AURKA: variants seen among roughly 807,000 people sequenced by gnomAD.
The protein encoded by AURKA is aurora kinase A.
AURKA carries 12 observed loss-of-function variants against 40.9 expected under a neutral mutation model. That is an observed-to-expected ratio of 0.29 (90% CI 0.19 to 0.48). The LOEUF (loss-of-function observed/expected upper bound fraction) is 0.48. Among genes scored for constraint, AURKA ranks in the 20% least tolerant of loss-of-function variants. AURKA has a pLI of 0.99. For synonymous variants in AURKA, 170 were observed against 164.3 expected (o/e 1.03, Z -0.26); for missense variants, 322 against 462.1 (o/e 0.70, Z 2.78).
chr20:56,370,030 A>T lies in AURKA; in HGVS notation c.*128T>A. 1 of 1,240,760 alleles carries T rather than the reference A, an allele frequency of 8.1e-7. No individual in the cohort carries two copies. The allele number at this position is 1,240,760 out of a possible 1,614,324, so 76.9% of individuals were successfully genotyped here. On this transcript the variant is annotated 3_prime_UTR_variant, in exon 9 of 9. Coordinates refer to ENST00000395915, the MANE Select transcript of AURKA (RefSeq NM_198437.3). ...GAGGTTAAGGCACACCTGCTGAGTA[A>T]AACAAATATTTCTTGTGTAGCGTTC...
At chr20:56,372,037 G>T in intron 7 of AURKA, among the ~76,000 whole-genome samples, 1 of 152,278 alleles carries the variant, frequency 6.6e-6, no homozygotes, top group East Asian at 1.9e-4. Flanking sequence ...CATTTTTATC[G>T]GTTTAGGTTT....
chr20:56,382,965 A>G lies in AURKA; in HGVS notation c.566+20T>C. The G allele has an allele frequency of 6.2e-7, 1 of 1,612,670 alleles. No individual in the cohort carries two copies. The highest frequency in any genetic ancestry group is 8.5e-7 in the Non-Finnish European group (1 of 1,179,790). On this transcript the variant is annotated intron_variant, in intron 5 of 8. Coordinates refer to ENST00000395915, the MANE Select transcript of AURKA (RefSeq NM_198437.3). ...GCAGCATTGGTGAACATTCTTTTGA[A>G]CATGAACCTGAAAACTCACCGAAGG... is the stretch of plus-strand genomic sequence containing the variant.
Position 56,382,928 on chromosome 20 carries a change from A to G in AURKA, c.566+57T>C. ...GGCAGTGGGAGGCTGACATTACAGG[A>G]GGGGGAGGGGTGCAGCATTGGTGAA... On this transcript the variant is annotated intron_variant, in intron 5 of 8. Transcript: ENST00000395915. 3 of 1,585,964 alleles carry G rather than the reference A, an allele frequency of 1.9e-6. No homozygotes were observed. The South Asian group carries it at 3.3e-5, about 18-fold the overall frequency.
In AURKA at chr20:56,369,903, G is replaced by A. The variant is rs752966779; in HGVS notation, c.*255C>T. 7 of 566,136 alleles carry A rather than the reference G, an allele frequency of 1.2e-5. No homozygotes were observed. The highest frequency in any genetic ancestry group is 4.8e-4 in the Middle Eastern group (1 of 2,076). 35.1% of individuals were successfully genotyped at this position (566,136 alleles called of 1,614,324 possible). On this transcript the variant is annotated 3_prime_UTR_variant, in exon 9 of 9. Coordinates refer to ENST00000395915, the MANE Select transcript of AURKA (RefSeq NM_198437.3). The stretch of plus-strand genomic sequence containing the variant: ...ACAGGCTGACGGGGCGGCTGCAGTC[G>A]AACCTTGCCTCCAGATTATGAACCA...
chr20:56,377,013 G>A (rs778693908), intron 6 of AURKA, among the ~76,000 whole-genome samples: 38 of 152,298 alleles, frequency 2.5e-4, no homozygotes, highest in Middle Eastern at 3.4e-3. Flanking sequence ...ACAGGAGGTA[G>A]AAGTTGCAGT....
chr20:56,378,856 C>G (rs1985311911), intron 6 of AURKA, among the ~76,000 whole-genome samples: 3 of 152,094 alleles, frequency 2.0e-5, no homozygotes, highest in African/African-American at 7.2e-5. Flanking sequence ...GTAAACAGAT[C>G]AGTGGTTGCC....
In AURKA at chr20:56,373,286, CT is replaced by C. The variant is rs1984512363; in HGVS notation, c.854+121del. ...AAGCCTAAATTACTCCAAAGTACTT[CT>C]GGGTTAGCCACCTACCCCTCTTACA... is the stretch of plus-strand genomic sequence containing the variant. On this transcript the variant is annotated intron_variant, in intron 7 of 8. Transcript: ENST00000395915. The surrounding 1 kb of genome is among the most constrained non-coding windows in gnomAD (Gnocchi z 5.0). The C allele has an allele frequency of 7.5e-7, 1 of 1,336,954 alleles. No homozygotes were observed. The highest frequency in any genetic ancestry group is 1.4e-5 in the African/African-American group (1 of 69,008). The allele number at this position is 1,336,954 out of a possible 1,614,324, so 82.8% of individuals were successfully genotyped here.
Position 56,370,192 on chromosome 20 carries a change from C to T in AURKA, c.1178G>A (p.Cys393Tyr), listed in dbSNP as rs2146118896. The change falls in exon 9 of 9, where the codon TGC (cysteine) becomes TAC (tyrosine). Residue 393 changes from cysteine (C) to tyrosine (Y), a missense_variant. Physicochemically the swap from Cys to Tyr is radical, Grantham distance 194. Transcript: ENST00000395915. ...TTTGCTAGCTGATTCTTTGTTTTGG[C>T]AATTTGATGGTTTTGATGAATTTGC... ...ITANSSKPSN[C>Y]QNKESASKQS 1.2e-6 allele frequency: 2 copies of T among 1,613,220 alleles called. No homozygotes were observed. Among genetic ancestry groups the T allele is most frequent in the Non-Finnish European group, 1.7e-6 (2 of 1,180,010 alleles).
In AURKA at chr20:56,384,445, ATC is replaced by A. The variant is rs1365080458; in HGVS notation, c.320-123_320-122del. 1.7e-5 allele frequency: 13 copies of A among 772,390 alleles called. No individual in the cohort carries two copies. In the East Asian group the frequency reaches 2.3e-4, roughly 14 times the overall value. The allele number at this position is 772,390 out of a possible 1,614,324, so 47.8% of individuals were successfully genotyped here. On this transcript the variant is annotated intron_variant, in intron 3 of 8. Transcript: ENST00000395915. ...ATTAATGGTATGTCAAGAATGATAA[ATC>A]TGTTTTTTTTTTTTAAAGTTTTCCT...
In AURKA at chr20:56,384,291, T is replaced by C. The variant is rs1477781531; in HGVS notation, c.353A>G (p.Gln118Arg). The C allele has an allele frequency of 1.9e-5, 31 of 1,601,522 alleles. No homozygotes were observed. Among genetic ancestry groups the C allele is most frequent in the Non-Finnish European group, 2.7e-5 (31 of 1,169,774 alleles). Residue 118 changes from glutamine to arginine, a missense_variant, in exon 4 of 9, where the codon CAG becomes CGG. Gln to Arg is a conservative substitution (Grantham distance 43). Coordinates refer to ENST00000395915, the MANE Select transcript of AURKA (RefSeq NM_198437.3). ...TTACTTTTTTGATTCTTCATTTTTC[T>C]GTTTTGATGCCAGTTCCTCCTCAGG... ...NNPEEELASK[Q>R]KNEESKKRQW... is the part of the protein sequence containing the mutation.
At chr20:56,384,574 TA>T (rs1986128855) in intron 3 of AURKA, among the ~76,000 whole-genome samples, 1 of 152,130 alleles carries the variant, frequency 6.6e-6, no homozygotes, top group Non-Finnish European at 1.5e-5. Flanking sequence ...CCTTCTCTGA[TA>T]AATTAAAGGC....
At chr20:56,386,591 T>C in intron 2 of AURKA, 58 bp from the exon 3 acceptor site, 2 of 1,597,446 alleles carry the variant, frequency 1.3e-6, no homozygotes, top group Non-Finnish European at 1.7e-6. Context: ...GATGAATATA[T>C]TGAGAATTTC....
At chr20:56,388,321 CAT>C in intron 1 of AURKA, 119 bp from the exon 2 acceptor site, 6 of 915,278 alleles carry the variant, frequency 6.6e-6, no homozygotes, top group Non-Finnish European at 1.1e-5. Flanking sequence ...CCGGATTTTA[CAT>C]GTTTTGTCCA....
At chr20:56,390,845 C>A (rs1468055) in intron 1 of AURKA, among the ~76,000 whole-genome samples, 22,309 of 152,174 alleles carry the variant, frequency 0.15, 2,194 homozygotes, top group Non-Finnish European at 0.21. Flanking sequence ...TTCACACATG[C>A]TCTAATGCTT....
At chr20:56,370,408 G>A (rs866099402) in intron 8 of AURKA, 68 bp from the exon 9 acceptor site, 19 of 1,613,464 alleles carry the variant, frequency 1.2e-5, no homozygotes, top group Middle Eastern at 1.6e-4. Context: ...ATAGATGTTC[G>A]GATCTTGGCC....
intron 6 of AURKA, among the ~76,000 whole-genome samples, chr20:56,380,957 T>A (rs1985630737): frequency 6.6e-6 from 1 of 152,158 alleles, no homozygotes; most frequent in Non-Finnish European, 1.5e-5. Flanking sequence ...ATATGGGAAC[T>A]CTCTGTACTG....
At chr20:56,370,722 C>G in intron 7 of AURKA, 63 bp from the exon 8 acceptor site, 1 of 1,583,112 alleles carries the variant, frequency 6.3e-7, no homozygotes, top group Admixed American at 1.7e-5. Flanking sequence ...CAGCTGCTAA[C>G]AATCATTAAA....
At chr20:56,391,960 A>G (rs1218902535) in intron 1 of AURKA, 1 of 145,714 alleles carries the variant, frequency 6.9e-6, no homozygotes, top group African/African-American at 2.5e-5. Flanking sequence ...TGTAATAAGT[A>G]ACAAGCAGTA....
chr20:56,381,575 C>A lies in AURKA; in HGVS notation c.567-4G>T. 6.2e-7 allele frequency: 1 copy of A among 1,613,460 alleles called. No homozygotes were observed. Among genetic ancestry groups the A allele is most frequent in the Non-Finnish European group, 8.5e-7 (1 of 1,179,784 alleles). ...CAGTCTAAGAATATTAGGATGCCTG[C>A]AACAAAGGATAAACATTCTAACACT... On this transcript the variant is annotated splice_polypyrimidine_tract_variant and splice_region_variant and intron_variant, in intron 5 of 8. Transcript: ENST00000395915.
Sources: gnomAD v4.1 joint callset for allele counts (sites outside exome capture counted in the v4.1 genomes callset) on GRCh38, gnomAD v4.1.1 for gene constraint, Gnocchi (gnomAD v3.1) non-coding constraint, MANE v1.5 for transcripts, NCBI Gene and HGNC (gene_info 2026-07-23, HGNC 2026-07-21) for gene names.